CNIH1: variants seen among roughly 807,000 people sequenced by gnomAD.
The protein encoded by CNIH1 is cornichon family member 1.
A neutral mutation model predicts 20.2 loss-of-function variants in CNIH1; 12 were observed. The observed-to-expected ratio is 0.59, with a 90% CI of 0.38 to 0.96. The LOEUF is 0.96. Ranked by LOEUF, CNIH1 falls within the 40% of genes least tolerant of loss-of-function variation. The pLI is 0.00. For missense variants in CNIH1, 152 were observed against 178.8 expected (o/e 0.85, Z 0.85); for synonymous variants, 69 against 63.3 (o/e 1.09, Z -0.43).
rs1391494935 is a variant in CNIH1, at chr14:54,425,604, G to A, written c.*2210C>T. ...AGTATTTCGTTTCTGCTTTCTCTTG[G>A]TAAGTGATCTAATTCATAAAACACT... is the stretch of plus-strand genomic sequence containing the variant. On this transcript the variant is annotated 3_prime_UTR_variant, in exon 5 of 5. Transcript: ENST00000216416. 6.6e-6 allele frequency: 1 copy of A among 152,150 alleles called. No individual in the cohort carries two copies. Among genetic ancestry groups the A allele is most frequent in the Non-Finnish European group, 1.5e-5 (1 of 68,014 alleles). The allele number at this position is 152,150 out of a possible 1,614,324, so 9.4% of individuals were successfully genotyped here.
At chr14:54,437,357 A>G (rs1002620794) in intron 1 of CNIH1, among the ~76,000 whole-genome samples, 2 of 152,204 alleles carry the variant, frequency 1.3e-5, no homozygotes, top group Non-Finnish European at 2.9e-5. Flanking sequence ...GCTCAATATT[A>G]TCAGTAATCA....
chr14:54,430,219 C>T, intron 4 of CNIH1, 42 bp downstream of exon 4: 3 of 1,599,602 alleles, frequency 1.9e-6, no homozygotes, highest in Non-Finnish European at 2.6e-6. Context: ...ACTTTTAAAG[C>T]AGCAAAGTGA....
Position 54,426,752 on chromosome 14 carries a change from A to G in CNIH1, c.*1062T>C, listed in dbSNP as rs2030834979. 6.6e-6 allele frequency: 1 copy of G among 152,238 alleles called. No homozygotes were observed. The highest frequency in any genetic ancestry group is 2.1e-4 in the South Asian group (1 of 4,834). The allele number at this position is 152,238 out of a possible 1,614,324, so 9.4% of individuals were successfully genotyped here. On this transcript the variant is annotated 3_prime_UTR_variant, in exon 5 of 5. Coordinates refer to ENST00000216416, the MANE Select transcript of CNIH1 (RefSeq NM_005776.3). ...CGTTTATGAATCTTGTCAAATGACA[A>G]AAGAGGTTAATGTGCTCGGCATTTA...
chr14:54,437,246 G>A (rs2031072871), intron 1 of CNIH1, among the ~76,000 whole-genome samples: 1 of 152,196 alleles, frequency 6.6e-6, no homozygotes, highest in Middle Eastern at 3.2e-3. Flanking sequence ...GTTGATGGGG[G>A]AGCCATTTTA....
chr14:54,441,049 G>C (rs1015642302), intron 1 of CNIH1, among the ~76,000 whole-genome samples, 198 bp downstream of exon 1: 2 of 151,844 alleles, frequency 1.3e-5, no homozygotes, highest in Non-Finnish European at 2.9e-5. Context: ...CAACGCGGGC[G>C]CGTCCACCTG....
chr14:54,432,053 A>G, intron 3 of CNIH1, 55 bp downstream of exon 3: 1 of 858,264 alleles, frequency 1.2e-6, no homozygotes, highest in Non-Finnish European at 1.7e-6. Context: ...CATATCAACC[A>G]CAGTATATTT....
In CNIH1 at chr14:54,427,732, G is replaced by C; in HGVS notation, c.*82C>G. ...GATCAGATTCCACAGGCTACTCTTG[G>C]ACAGGATCTTGCTGGATAGAATCCC... is the stretch of plus-strand genomic sequence containing the variant. On this transcript the variant is annotated 3_prime_UTR_variant, in exon 5 of 5. Coordinates refer to ENST00000216416, the MANE Select transcript of CNIH1 (RefSeq NM_005776.3). 7.0e-7 allele frequency: 1 copy of C among 1,427,696 alleles called. No homozygotes were observed. The highest frequency in any genetic ancestry group is 9.8e-7 in the Non-Finnish European group (1 of 1,018,346). 88.4% of individuals were successfully genotyped at this position (1,427,696 alleles called of 1,614,324 possible). A position where few individuals can be genotyped will look rare whatever the true frequency, so the allele number is the denominator to read the frequency against.
chr14:54,436,271 T>C, intron 2 of CNIH1, 98 bp downstream of exon 2: 1 of 763,008 alleles, frequency 1.3e-6, no homozygotes, highest in Non-Finnish European at 2.3e-6. Flanking sequence ...AGTACAAATA[T>C]ATTATGCTAC....
intron 3 of CNIH1, 25 bp downstream of exon 3, chr14:54,432,083 T>C: frequency 8.0e-7 from 1 of 1,249,134 alleles, no homozygotes; most frequent in Non-Finnish European, 1.1e-6. Flanking sequence ...TTTAAAAAAA[T>C]ATTAAAAGTG....
At chr14:54,435,422 C>A (rs1032858497) in intron 2 of CNIH1, among the ~76,000 whole-genome samples, 3 of 151,986 alleles carry the variant, frequency 2.0e-5, no homozygotes, top group African/African-American at 7.3e-5. Context: ...TTCAAAAACC[C>A]TAAGCACAAT....
chr14:54,431,718 T>C (rs1040717265), intron 3 of CNIH1, among the ~76,000 whole-genome samples: 8 of 152,186 alleles, frequency 5.3e-5, no homozygotes, highest in African/African-American at 1.7e-4. Context: ...TCTAAGTTGA[T>C]AGAGGTCAGT....
At chr14:54,439,842 G>A (rs763370776) in intron 1 of CNIH1, among the ~76,000 whole-genome samples, 5 of 152,054 alleles carry the variant, frequency 3.3e-5, no homozygotes, top group Admixed American at 2.6e-4. Context: ...GAGCCACCGC[G>A]CCCGGCCATG....
chr14:54,436,722 C>G (rs1008843630), intron 1 of CNIH1: 1 of 509,580 alleles, frequency 2.0e-6, no homozygotes. Flanking sequence ...CAACTTATCT[C>G]TACTCGAAAT....
At chr14:54,438,975 A>T (rs1336821190) in intron 1 of CNIH1, among the ~76,000 whole-genome samples, 1 of 151,290 alleles carries the variant, frequency 6.6e-6, no homozygotes, top group Non-Finnish European at 1.5e-5. Flanking sequence ...TCCACACACT[A>T]CTCCCCCACC....
In CNIH1 at chr14:54,427,168, A is replaced by G. The variant is rs1289480513; in HGVS notation, c.*646T>C. The G allele has an allele frequency of 2.0e-5, 3 of 152,224 alleles. No homozygotes were observed. Among genetic ancestry groups the G allele is most frequent in the Admixed American group, 2.0e-4 (3 of 15,280 alleles). 9.4% of individuals were successfully genotyped at this position (152,224 alleles called of 1,614,324 possible). ...CACAAGTAATTCAGCATATATTTTTATATCATGTTTACTTATGCTTAAGAA... is the reference window on the plus strand; with the variant it reads ...CACAAGTAATTCAGCATATATTTTTGTATCATGTTTACTTATGCTTAAGAA... On this transcript the variant is annotated 3_prime_UTR_variant, in exon 5 of 5. Coordinates refer to ENST00000216416, the MANE Select transcript of CNIH1 (RefSeq NM_005776.3).
At chr14:54,440,231 A>C (rs921325012) in intron 1 of CNIH1, among the ~76,000 whole-genome samples, 1 of 152,228 alleles carries the variant, frequency 6.6e-6, no homozygotes, top group Admixed American at 6.5e-5. Context: ...CTTAAAATCT[A>C]CGTAAGAGTG....
At chr14:54,430,461 A>T (rs1372636986) in intron 3 of CNIH1, 57 bp from the exon 4 acceptor site, 1 of 1,516,522 alleles carries the variant, frequency 6.6e-7, no homozygotes, top group Admixed American at 2.0e-5. Flanking sequence ...TTCAGATAAG[A>T]AAGCAGGTCT....
At position 54,427,040 on chromosome 14, in the gene CNIH1, T is replaced by G. The variant is rs1213055149; in HGVS notation, c.*774A>C. 6.6e-6 allele frequency: 1 copy of G among 152,230 alleles called. No homozygotes were observed. Among genetic ancestry groups the G allele is most frequent in the African/African-American group, 2.4e-5 (1 of 41,480 alleles). The allele number at this position is 152,230 out of a possible 1,614,324, so 9.4% of individuals were successfully genotyped here. On this transcript the variant is annotated 3_prime_UTR_variant, in exon 5 of 5. Coordinates refer to ENST00000216416, the MANE Select transcript of CNIH1 (RefSeq NM_005776.3). ...TGTAGTACCTGCAAATTCTTAAGAA[T>G]ACCTTTACCACCAGATTAGAACAGT...
chr14:54,435,813 C>T (rs554043022), intron 2 of CNIH1, among the ~76,000 whole-genome samples: 8 of 152,306 alleles, frequency 5.3e-5, no homozygotes, highest in African/African-American at 1.9e-4. Flanking sequence ...TTTATGTTAA[C>T]CAACTTTCAA....
Sources: gnomAD v4.1 joint callset for allele counts (sites outside exome capture counted in the v4.1 genomes callset) on GRCh38, gnomAD v4.1.1 for gene constraint, MANE v1.5 for transcripts, NCBI Gene and HGNC (gene_info 2026-07-23, HGNC 2026-07-21) for gene names.